NELL2: variants seen among roughly 807,000 people sequenced by gnomAD.
The protein encoded by NELL2 is protein kinase C-binding protein NELL2.
In NELL2, 41 loss-of-function variants were observed where a neutral mutation model predicts 109.6. The observed-to-expected ratio is 0.37, with a 90% CI of 0.29 to 0.49. The LOEUF (loss-of-function observed/expected upper bound fraction) is 0.49. Among genes scored for constraint, NELL2 ranks in the 20% least tolerant of loss-of-function variants. The pLI is 0.98. For synonymous variants in NELL2, 355 were observed against 344.7 expected (o/e 1.03, Z -0.33); for missense variants, 900 against 1,008.3 (o/e 0.89, Z 1.45).
At chr12:44,749,324 C>T (rs920314750) in intron 9 of NELL2, among the ~76,000 whole-genome samples, 1 of 152,098 alleles carries the variant, frequency 6.6e-6, no homozygotes, top group African/African-American at 2.4e-5. Context: ...TATTCTTACC[C>T]TTTTTCTGAA....
At chr12:44,656,323 T>A (rs555949087) in intron 13 of NELL2, among the ~76,000 whole-genome samples, 43 of 146,628 alleles carry the variant, frequency 2.9e-4, no homozygotes, top group African/African-American at 8.5e-4. Context: ...ACATCAAGGT[T>A]TTTAAGCCCC....
At chr12:44,906,930 T>A (rs906864624) in intron 1 of NELL2, among the ~76,000 whole-genome samples, 1 of 152,128 alleles carries the variant, frequency 6.6e-6, no homozygotes, top group Non-Finnish European at 1.5e-5. Context: ...AAATCTCATC[T>A]TGAATTGTAG....
intron 2 of NELL2, among the ~76,000 whole-genome samples, chr12:44,834,597 G>C (rs564172208): frequency 6.6e-6 from 1 of 152,152 alleles, no homozygotes; most frequent in Non-Finnish European, 1.5e-5. Flanking sequence ...TAAATACTGC[G>C]CAGGGCAGGG....
intron 3 of NELL2, among the ~76,000 whole-genome samples, chr12:44,802,667 G>A (rs1347213879): frequency 1.3e-5 from 2 of 151,996 alleles, no homozygotes; most frequent in Non-Finnish European, 2.9e-5. Context: ...GGTGAATGCT[G>A]ATATGCATTG....
chr12:44,824,769 G>A (rs11182702), intron 2 of NELL2, among the ~76,000 whole-genome samples: 2 of 146,776 alleles, frequency 1.4e-5, no homozygotes, highest in African/African-American at 2.5e-5. Flanking sequence ...GGAGTGCAAC[G>A]GCATGATCTC....
intron 13 of NELL2, among the ~76,000 whole-genome samples, chr12:44,647,923 T>C (rs764773808): frequency 1.3e-5 from 2 of 152,156 alleles, no homozygotes; most frequent in African/African-American, 2.4e-5. Flanking sequence ...TTTCAATTGG[T>C]TGTCCAGTTA....
At chr12:44,713,909 A>C (rs1027070737) in intron 10 of NELL2, among the ~76,000 whole-genome samples, 4 of 151,956 alleles carry the variant, frequency 2.6e-5, no homozygotes, top group African/African-American at 9.7e-5. Flanking sequence ...AACCATGTAT[A>C]GGAGGTATTT....
chr12:44,809,272 C>A (rs182183309), intron 3 of NELL2, among the ~76,000 whole-genome samples: 1 of 152,106 alleles, frequency 6.6e-6, no homozygotes, highest in East Asian at 1.9e-4. Context: ...GATAAATATA[C>A]TTTTGCTTTT....
At chr12:44,893,965 A>C (rs1025140025) in intron 1 of NELL2, among the ~76,000 whole-genome samples, 1 of 152,216 alleles carries the variant, frequency 6.6e-6, no homozygotes, top group Admixed American at 6.5e-5. Flanking sequence ...TTCTAGAAAA[A>C]TAAACGAAAA....
intron 15 of NELL2, among the ~76,000 whole-genome samples, chr12:44,564,022 G>C (rs945280586): frequency 6.6e-6 from 1 of 152,080 alleles, no homozygotes; most frequent in Non-Finnish European, 1.5e-5. Flanking sequence ...ACATAAATAG[G>C]ATGATAACAC....
chr12:44,552,850 A>C (rs528811233), intron 15 of NELL2, among the ~76,000 whole-genome samples: 44 of 152,072 alleles, frequency 2.9e-4, no homozygotes, highest in African/African-American at 8.7e-4. Flanking sequence ...AAGGATCCCA[A>C]CTGTGCCATA....
intron 3 of NELL2, among the ~76,000 whole-genome samples, chr12:44,792,905 T>C (rs949316067): frequency 6.6e-6 from 1 of 152,154 alleles, no homozygotes; most frequent in African/African-American, 2.4e-5. Flanking sequence ...ATAGCACAAA[T>C]TGGCAATGAC....
chr12:44,708,288 C>T (rs780472862), intron 11 of NELL2, among the ~76,000 whole-genome samples: 2 of 152,174 alleles, frequency 1.3e-5, no homozygotes, highest in Non-Finnish European at 2.9e-5. Flanking sequence ...ACCTAGAACA[C>T]AGTCTTGGGT....
chr12:44,898,512 G>A (rs1269435938), intron 1 of NELL2, among the ~76,000 whole-genome samples: 1 of 152,176 alleles, frequency 6.6e-6, no homozygotes, highest in Non-Finnish European at 1.5e-5. Flanking sequence ...GCAGAAGAGG[G>A]TCCTGACTGT....
rs994150439 is a variant in NELL2 at position 44,903,941 on chromosome 12, A to T, written c.38+9858T>A. ...TTAGGAGAAATACCTAATGTAGATGATGGGTTGATGGGTGCAGCAAACCAC... is the reference window on the plus strand; with the variant it reads ...TTAGGAGAAATACCTAATGTAGATGTTGGGTTGATGGGTGCAGCAAACCAC... On this transcript the variant is annotated intron_variant, in intron 1 of 20. Transcript: ENST00000333837. 2.6e-5 allele frequency among the ~76,000 whole-genome samples: 4 copies of T among 152,172 alleles called. 1 individual carries two copies. In the South Asian group the frequency reaches 8.3e-4, roughly 32 times the overall value.
chr12:44,709,757 A>C (rs1049844398), intron 11 of NELL2, among the ~76,000 whole-genome samples: 13 of 152,172 alleles, frequency 8.5e-5, no homozygotes, highest in African/African-American at 2.7e-4. Context: ...AAGATGCCTA[A>C]GTTAGTCATA....
chr12:44,758,166 C>G (rs1940973370), intron 9 of NELL2, among the ~76,000 whole-genome samples: 1 of 152,018 alleles, frequency 6.6e-6, no homozygotes, highest in Non-Finnish European at 1.5e-5. Flanking sequence ...GGTAGTTTCT[C>G]ATATGTTTTG....
chr12:44,742,322 T>A (rs887957657), intron 9 of NELL2, among the ~76,000 whole-genome samples: 4 of 151,810 alleles, frequency 2.6e-5, no homozygotes, highest in African/African-American at 9.7e-5. Context: ...ATCACCATCA[T>A]CAAAGACCAA....
chr12:44,583,302 A>G (rs919271701), intron 15 of NELL2, among the ~76,000 whole-genome samples: 4 of 152,162 alleles, frequency 2.6e-5, no homozygotes, highest in Admixed American at 1.3e-4. Flanking sequence ...CTAACCACTA[A>G]TGTTCACACT....
Sources: gnomAD v4.1 joint callset for allele counts (sites outside exome capture counted in the v4.1 genomes callset) on GRCh38, gnomAD v4.1.1 for gene constraint, MANE v1.5 for transcripts, NCBI Gene and HGNC (gene_info 2026-07-23, HGNC 2026-07-21) for gene names.